The following TMEM70 variants were observed in gnomAD, a reference collection of about 807,000 sequenced individuals.
TMEM70 encodes transmembrane protein 70, also known as transmembrane protein 70, mitochondrial.
TMEM70 carries 15 observed loss-of-function variants against 20.5 expected under a neutral mutation model. That is an observed-to-expected ratio of 0.73 (90% CI 0.49 to 1.13). The LOEUF is 1.13. Among genes scored for constraint, TMEM70 ranks in the 50% most tolerant of loss-of-function variants. TMEM70 has a pLI of 0.00. For synonymous variants in TMEM70, 141 were observed against 134.2 expected (o/e 1.05, Z -0.35); for missense variants, 344 against 331.7 (o/e 1.04, Z -0.29).
chr8:73,980,509 A>G (rs550661863), intron 2 of TMEM70, among the ~76,000 whole-genome samples: 3 of 152,048 alleles, frequency 2.0e-5, no homozygotes, highest in African/African-American at 7.2e-5. Flanking sequence ...TGGGATTACA[A>G]GCACTTGCCA....
intron 1 of TMEM70, among the ~76,000 whole-genome samples, chr8:73,977,987 TA>T (rs1815693040): frequency 6.6e-6 from 1 of 152,234 alleles, no homozygotes; most frequent in East Asian, 1.9e-4. Flanking sequence ...TGACTAGAAT[TA>T]AGGCAAGCCA....
intron 2 of TMEM70, among the ~76,000 whole-genome samples, 163 bp from the exon 3 acceptor site, chr8:73,980,992 G>A (rs1196167912): frequency 2.6e-5 from 4 of 152,184 alleles, no homozygotes; most frequent in East Asian, 1.9e-4. Flanking sequence ...AATATGTAAA[G>A]TCCTTAAAAC....
rs1815812967 is a variant in TMEM70 at position 73,981,873 on chromosome 8, T to C, written c.*252T>C. 3 of 589,654 alleles carry C rather than the reference T, an allele frequency of 5.1e-6. No individual in the cohort carries two copies. Among genetic ancestry groups the C allele is most frequent in the South Asian group, 4.6e-5 (3 of 65,748 alleles). 36.5% of individuals were successfully genotyped at this position (589,654 alleles called of 1,614,324 possible). ...TCATGCTAGTATAAGAGTTCTGTGT[T>C]ACTGTGGTTGACTCTAAACTGGGGA... On this transcript the variant is annotated 3_prime_UTR_variant, in exon 3 of 3. Coordinates refer to ENST00000312184, the MANE Select transcript of TMEM70 (RefSeq NM_017866.6).
At chr8:73,978,703 A>AG in intron 1 of TMEM70, 53 bp from the exon 2 acceptor site, 1 of 1,598,370 alleles carries the variant, frequency 6.3e-7, no homozygotes, top group South Asian at 1.1e-5. Context: ...AAAAAAAAAA[A>AG]CTTAAAAAAA....
chr8:73,981,474 T>G lies in TMEM70; in HGVS notation c.636T>G (p.Phe212Leu). The G allele has an allele frequency of 6.2e-7, 1 of 1,614,166 alleles. No individual in the cohort carries two copies. Among genetic ancestry groups the G allele is most frequent in the East Asian group, 2.2e-5 (1 of 44,876 alleles). Residue 212 changes from phenylalanine (F) to leucine (L), a missense_variant, in exon 3 of 3, where the codon TTT (phenylalanine) becomes TTG (leucine). Transcript: ENST00000312184. ...IPDAKHVFTT[F>L]YAKTKSLLVN... ...ATGCTAAACATGTATTTACCACATT[T>G]TATGCTAAAACAAAATCACTGTTAG...
Position 73,982,482 on chromosome 8 carries a change from G to A in TMEM70, c.*861G>A. ...ACCATTGCAAATGCTTAAGTCAACT[G>A]TTTTCATAAATTGATTACCAGTTGT... On this transcript the variant is annotated 3_prime_UTR_variant, in exon 3 of 3. Coordinates refer to ENST00000312184, the MANE Select transcript of TMEM70 (RefSeq NM_017866.6). 1.4e-6 allele frequency: 1 copy of A among 709,650 alleles called. No homozygotes were observed. The highest frequency in any genetic ancestry group is 1.8e-5 in the Admixed American group (1 of 55,752). The allele number at this position is 709,650 out of a possible 1,614,324, so 44.0% of individuals were successfully genotyped here. A position where few individuals can be genotyped will look rare whatever the true frequency, so the allele number is the denominator to read the frequency against.
At chr8:73,978,347 A>G (rs1285390935) in intron 1 of TMEM70, among the ~76,000 whole-genome samples, 5 of 145,792 alleles carry the variant, frequency 3.4e-5, no homozygotes, top group Non-Finnish European at 7.5e-5. Flanking sequence ...TCGGCCTCCC[A>G]AAGTGCTGGG....
Position 73,981,626 on chromosome 8 carries a change from ATTTG to A in TMEM70, c.*8_*11del. On this transcript the variant is annotated 3_prime_UTR_variant, in exon 3 of 3. Transcript: ENST00000312184. The stretch of plus-strand genomic sequence containing the variant: ...CGGCATAAAGATGACAAATGAGCCT[ATTTG>A]TTAGTGTTCGTGCTCAAATGTGATT... The A allele has an allele frequency of 6.3e-7, 1 of 1,590,054 alleles. No individual in the cohort carries two copies.
intron 2 of TMEM70, among the ~76,000 whole-genome samples, chr8:73,980,355 A>G (rs1405797249): frequency 2.7e-5 from 4 of 147,134 alleles, no homozygotes; most frequent in Non-Finnish European, 6.0e-5. Context: ...GAAATTGAAT[A>G]CCTTTCCCAT....
Position 73,982,437 on chromosome 8 carries a change from C to A in TMEM70, c.*816C>A. ...CAGATTACTTCCATCAGTATTGAGC[C>A]AGGAGTTGAGATGGAAGTCACCATT... On this transcript the variant is annotated 3_prime_UTR_variant, in exon 3 of 3. Transcript: ENST00000312184. 2 of 792,126 alleles carry A rather than the reference C, an allele frequency of 2.5e-6. No homozygotes were observed. The highest frequency in any genetic ancestry group is 4.3e-6 in the Non-Finnish European group (2 of 466,802). The allele number at this position is 792,126 out of a possible 1,614,324, so 49.1% of individuals were successfully genotyped here. A position where few individuals can be genotyped will look rare whatever the true frequency, so the allele number is the denominator to read the frequency against.
rs749995139 is a variant in TMEM70 at position 73,982,327 on chromosome 8, C to T, written c.*706C>T. ...TGAGAATCACTACAAGAAAAACTTACGGTGAAGGTTCTAAGGCATGGGATC... is the reference window on the plus strand; with the variant it reads ...TGAGAATCACTACAAGAAAAACTTATGGTGAAGGTTCTAAGGCATGGGATC... On this transcript the variant is annotated 3_prime_UTR_variant, in exon 3 of 3. Transcript: ENST00000312184. 3.2e-5 allele frequency: 21 copies of T among 664,634 alleles called. No individual in the cohort carries two copies. The highest frequency in any genetic ancestry group is 4.1e-5 in the South Asian group (3 of 73,922). The allele number at this position is 664,634 out of a possible 1,614,324, so 41.2% of individuals were successfully genotyped here.
In TMEM70 at chr8:73,978,738, T is replaced by C. The variant is rs2131233703; in HGVS notation, c.211-18T>C. On this transcript the variant is annotated intron_variant, in intron 1 of 2. Transcript: ENST00000312184. ...ATTTAAGAAGGTTAGTTGACCATAA[T>C]GATCCCTGTTTCAATAGATCCCTGT... 6.2e-7 allele frequency: 1 copy of C among 1,613,240 alleles called. No homozygotes were observed. The highest frequency in any genetic ancestry group is 8.5e-7 in the Non-Finnish European group (1 of 1,179,402).
In TMEM70 at chr8:73,978,877, T is replaced by G; in HGVS notation, c.316+16T>G. The G allele has an allele frequency of 6.2e-7, 1 of 1,613,582 alleles. No homozygotes were observed. Among genetic ancestry groups the G allele is most frequent in the Non-Finnish European group, 8.5e-7 (1 of 1,179,820 alleles). ...GCAGTGTTTGGTAAGTAATTGGAGG[T>G]GGGTGTACTTACTTTGTTTTTTTCT... On this transcript the variant is annotated intron_variant, in intron 2 of 2. Transcript: ENST00000312184.
rs762265021 is a variant in TMEM70, at chr8:73,981,192, C to T, written c.354C>T (p.Gly118=). The change falls in exon 3 of 3, where the codon GGC becomes GGT. Residue 118 remains glycine, a synonymous_variant. Transcript: ENST00000312184. The part of the protein sequence containing the change: ...KCFSYSTSLI[G]LTFLPYIFTQ... ...TCTCTTATTCTACGAGTCTGATTGG[C>T]CTTACATTTCTGCCATACATTTTTA... The T allele has an allele frequency of 1.2e-6, 2 of 1,614,034 alleles. No homozygotes were observed. The highest frequency in any genetic ancestry group is 3.3e-5 in the Admixed American group (2 of 60,010).
rs1563700248 is a variant in TMEM70, at chr8:73,981,705, C to G, written c.*84C>G. On this transcript the variant is annotated 3_prime_UTR_variant, in exon 3 of 3. Coordinates refer to ENST00000312184, the MANE Select transcript of TMEM70 (RefSeq NM_017866.6). ...ATTGCCTTTTGCATTCCGTTAGTGACTGATTGTTAAAAATAATTTGAAATT... is the reference window on the plus strand; with the variant it reads ...ATTGCCTTTTGCATTCCGTTAGTGAGTGATTGTTAAAAATAATTTGAAATT... The G allele has an allele frequency of 1.0e-5, 9 of 894,454 alleles. No individual in the cohort carries two copies. The Admixed American group carries it at 1.7e-4, about 17-fold the overall frequency. 55.4% of individuals were successfully genotyped at this position (894,454 alleles called of 1,614,324 possible).
intron 1 of TMEM70, 33 bp from the exon 2 acceptor site, chr8:73,978,723 G>C: frequency 1.2e-6 from 2 of 1,612,020 alleles, no homozygotes; most frequent in Non-Finnish European, 1.7e-6. Flanking sequence ...ATTTAAGAAG[G>C]TTAGTTGACC....
Position 73,982,091 on chromosome 8 carries a change from G to C in TMEM70, c.*470G>C, listed in dbSNP as rs568357385. On this transcript the variant is annotated 3_prime_UTR_variant, in exon 3 of 3. Coordinates refer to ENST00000312184, the MANE Select transcript of TMEM70 (RefSeq NM_017866.6). ...TTGCTGTTGCCTGAGGACCAAGTCTGTCAGGAAGCTGGCTAGGAAGCCTTG... is the reference window on the plus strand; with the variant it reads ...TTGCTGTTGCCTGAGGACCAAGTCTCTCAGGAAGCTGGCTAGGAAGCCTTG... 2.1e-6 allele frequency: 1 copy of C among 475,704 alleles called. No homozygotes were observed. The highest frequency in any genetic ancestry group is 1.5e-5 in the South Asian group (1 of 66,362). The allele number at this position is 475,704 out of a possible 1,614,324, so 29.5% of individuals were successfully genotyped here. A position where few individuals can be genotyped will look rare whatever the true frequency, so the allele number is the denominator to read the frequency against.
chr8:73,982,435 GC>G lies in TMEM70; in HGVS notation c.*816del. On this transcript the variant is annotated 3_prime_UTR_variant, in exon 3 of 3. Coordinates refer to ENST00000312184, the MANE Select transcript of TMEM70 (RefSeq NM_017866.6). ...AGCAGATTACTTCCATCAGTATTGA[GC>G]CAGGAGTTGAGATGGAAGTCACCAT... 1 of 793,090 alleles carries G rather than the reference GC, an allele frequency of 1.3e-6. No homozygotes were observed. The highest frequency in any genetic ancestry group is 2.1e-6 in the Non-Finnish European group (1 of 467,662). 49.1% of individuals were successfully genotyped at this position (793,090 alleles called of 1,614,324 possible).
chr8:73,981,373 T>TATA lies in TMEM70; in HGVS notation c.537_539dup (p.Tyr179_Lys180insAsn). 8.1e-6 allele frequency: 13 copies of TATA among 1,614,204 alleles called. No individual in the cohort carries two copies. The highest frequency in any genetic ancestry group is 1.1e-5 in the Non-Finnish European group (13 of 1,180,030). ...GTACCATGAGGCCACAACAGACACTTATAAAGCCATTACCTACAATGCTAT... is the reference window on the plus strand; with the variant it reads ...GTACCATGAGGCCACAACAGACACTTATAATAAAGCCATTACCTACAATGCTAT... On this transcript the variant is annotated inframe_insertion, in exon 3 of 3. Transcript: ENST00000312184.
Sources: gnomAD v4.1 joint callset for allele counts (sites outside exome capture counted in the v4.1 genomes callset) on GRCh38, gnomAD v4.1.1 for gene constraint, MANE v1.5 for transcripts, NCBI Gene and HGNC (gene_info 2026-07-23, HGNC 2026-07-21) for gene names.